Variants in PDE4D observed in about 807,000 individuals in gnomAD.
PDE4D encodes 3',5'-cyclic-AMP phosphodiesterase 4D.
Under a neutral mutation model 87.4 loss-of-function variants are expected in PDE4D, and 24 were observed. That is an observed-to-expected ratio of 0.27 (90% CI 0.20 to 0.39). PDE4D has a LOEUF of 0.39. PDE4D is among the 10% of genes least tolerant of loss of function. The pLI, the probability that PDE4D is intolerant of heterozygous loss-of-function variation, is 1.00. For synonymous variants in PDE4D, 384 were observed against 383.2 expected, an observed-to-expected ratio of 1.00 and a Z score of -0.02; for missense variants, 714 against 1,041.0, an observed-to-expected ratio of 0.69 and a Z score of 4.32.
chr5:59,874,588 T>A (rs551771404), intron 1 of PDE4D, among the ~76,000 whole-genome samples: 40 of 152,180 alleles, frequency 2.6e-4, no homozygotes, highest in African/African-American at 8.9e-4. Context: ...TAAAAAAAAA[T>A]AAAGTATTGG....
At chr5:59,275,663 C>T (rs1764664700) in intron 1 of PDE4D, 4 of 1,179,816 alleles carry the variant, frequency 3.4e-6, no homozygotes, top group Non-Finnish European at 4.2e-6. Context: ...CTGTGTCTTG[C>T]AATGCCAAGG....
chr5:58,988,361 A>G (rs1746993202), intron 11 of PDE4D, 132 bp downstream of exon 11: 1 of 404,402 alleles, frequency 2.5e-6, no homozygotes, highest in Non-Finnish European at 4.4e-6. Context: ...AACATGAACT[A>G]TCACTAAAAC....
intron 1 of PDE4D, among the ~76,000 whole-genome samples, chr5:60,465,882 GAA>G (rs11427068): frequency 6.3e-5 from 8 of 126,146 alleles, no homozygotes; most frequent in Admixed American, 2.4e-4. Context: ...CAGTGAAAGT[GAA>G]AAAAAAAAAA....
At chr5:59,736,106 A>G (rs922106339) in intron 1 of PDE4D, among the ~76,000 whole-genome samples, 1 of 152,056 alleles carries the variant, frequency 6.6e-6, no homozygotes, top group African/African-American at 2.4e-5. Context: ...CATGTACCCT[A>G]AAACTTAAAG....
chr5:59,768,391 T>C (rs1191744844), intron 1 of PDE4D: 2 of 1,598,290 alleles, frequency 1.3e-6, no homozygotes, highest in East Asian at 2.2e-5. Context: ...GGACTTCTCA[T>C]GCTGCAACAG....
chr5:60,218,688 AAG>A (rs1744149665), intron 1 of PDE4D, among the ~76,000 whole-genome samples: 1 of 152,046 alleles, frequency 6.6e-6, no homozygotes, highest in Middle Eastern at 3.2e-3. Context: ...TGAGCAACAA[AAG>A]AGTCTAAAAA....
upstream of PDE4D, chr5:60,490,773 A>G (rs1390018767): frequency 6.6e-6 from 1 of 152,258 alleles, no homozygotes; most frequent in East Asian, 1.9e-4. Context: ...ATTGCTCAGG[A>G]AACTGAACCT....
intron 1 of PDE4D, among the ~76,000 whole-genome samples, chr5:59,837,509 G>T (rs1742314524): frequency 6.6e-6 from 1 of 152,004 alleles, no homozygotes; most frequent in Non-Finnish European, 1.5e-5. Context: ...TTGTTCCTTT[G>T]TGAAGCCAAG....
intron 5 of PDE4D, among the ~76,000 whole-genome samples, chr5:59,059,712 A>T (rs1189006625): frequency 6.6e-6 from 1 of 152,212 alleles, no homozygotes; most frequent in Non-Finnish European, 1.5e-5. Context: ...GGGCAGGTAA[A>T]ATATTCTAGC....
intron 1 of PDE4D, among the ~76,000 whole-genome samples, chr5:59,374,243 A>T (rs1274482935): frequency 6.6e-6 from 1 of 152,196 alleles, no homozygotes; most frequent in East Asian, 1.9e-4. Flanking sequence ...AAGCTGGATA[A>T]AGAATCGAGA....
At chr5:59,573,462 T>C (rs1489544451) in intron 1 of PDE4D, among the ~76,000 whole-genome samples, 2 of 152,072 alleles carry the variant, frequency 1.3e-5, no homozygotes, top group Non-Finnish European at 2.9e-5. Context: ...CGAACCACTG[T>C]CAGTACTGGG....
chr5:59,309,234 G>C (rs147133991), intron 1 of PDE4D, among the ~76,000 whole-genome samples: 4 of 152,116 alleles, frequency 2.6e-5, no homozygotes, highest in African/African-American at 7.2e-5. Flanking sequence ...GAGTCTGCAC[G>C]CCAGATGTGT....
intron 1 of PDE4D, among the ~76,000 whole-genome samples, chr5:60,254,022 G>A (rs561667807): frequency 6.6e-6 from 1 of 151,942 alleles, no homozygotes; most frequent in Non-Finnish European, 1.5e-5. Flanking sequence ...GTACTTAGAA[G>A]AGAGTATCTT....
At chr5:59,943,726 G>A (rs942813445) in intron 3 of PDE4D, among the ~76,000 whole-genome samples, 23 of 152,294 alleles carry the variant, frequency 1.5e-4, no homozygotes, top group African/African-American at 4.8e-4. Context: ...ACTCTCTCCT[G>A]AATCTGGTTC....
At chr5:59,077,471 TC>T (rs1765887610) in intron 5 of PDE4D, among the ~76,000 whole-genome samples, 1 of 120,480 alleles carries the variant, frequency 8.3e-6, no homozygotes. Context: ...ATTTTTTTTT[TC>T]TTCTTTTTTT....
intron 1 of PDE4D, among the ~76,000 whole-genome samples, chr5:59,440,490 T>G (rs945682996): frequency 4.6e-5 from 7 of 152,204 alleles, no homozygotes; most frequent in Non-Finnish European, 1.0e-4. Context: ...GAATTTTTCA[T>G]GTAACACTGG....
At chr5:60,171,678 G>A (rs887610986) in intron 2 of PDE4D, among the ~76,000 whole-genome samples, 2 of 152,102 alleles carry the variant, frequency 1.3e-5, no homozygotes, top group Non-Finnish European at 2.9e-5. Context: ...TATTTGGGAA[G>A]ACATGTTCAA....
intron 6 of PDE4D, among the ~76,000 whole-genome samples, chr5:59,003,668 A>G (rs530500228): frequency 6.6e-6 from 1 of 152,272 alleles, no homozygotes; most frequent in African/African-American, 2.4e-5. Flanking sequence ...GATAAGCACA[A>G]TGGAGAGAAA....
intron 3 of PDE4D, among the ~76,000 whole-genome samples, chr5:59,924,153 G>A (rs1488971149): frequency 6.6e-6 from 1 of 152,122 alleles, no homozygotes; most frequent in Non-Finnish European, 1.5e-5. Context: ...TTAAAGACAG[G>A]TTATTTGAAA....
Sources: gnomAD v4.1 joint callset for allele counts (sites outside exome capture counted in the v4.1 genomes callset) on GRCh38, gnomAD v4.1.1 for gene constraint, MANE v1.5 for transcripts, NCBI Gene and HGNC (gene_info 2026-07-23, HGNC 2026-07-21) for gene names.